The following ZMIZ1 variants were observed in gnomAD, a reference collection of about 807,000 sequenced individuals.
The protein encoded by ZMIZ1 is zinc finger MIZ domain-containing protein 1.
ZMIZ1 carries 17 observed loss-of-function variants against 113.9 expected under a neutral mutation model. That is an observed-to-expected ratio of 0.15 (90% CI 0.10 to 0.22). The LOEUF is 0.22. Ranked by LOEUF, ZMIZ1 falls within the 10% of genes least tolerant of loss-of-function variation. The pLI, the probability that ZMIZ1 is intolerant of heterozygous loss-of-function variation, is 1.00. For missense variants in ZMIZ1, 1,059 were observed against 1,477.8 expected (o/e 0.72, Z 4.65); for synonymous variants, 607 against 603.1 (o/e 1.01, Z -0.09).
chr10:79,295,325 C>T (rs1166396244), intron 12 of ZMIZ1: 1 of 152,216 alleles, frequency 6.6e-6, no homozygotes, highest in Non-Finnish European at 1.5e-5. Flanking sequence ...AAAGGCTCTC[C>T]ATATTTTTAC....
intron 7 of ZMIZ1, among the ~76,000 whole-genome samples, chr10:79,256,937 T>C (rs1850944919): frequency 6.6e-6 from 1 of 152,194 alleles, no homozygotes; most frequent in African/African-American, 2.4e-5. Context: ...CATGGCTTGC[T>C]CCAGGTGACA....
At chr10:79,239,137 G>C (rs1381999087) in intron 7 of ZMIZ1, among the ~76,000 whole-genome samples, 1 of 151,620 alleles carries the variant, frequency 6.6e-6, no homozygotes. Flanking sequence ...ACACATGAGA[G>C]TTTATGCCCT....
At chr10:79,201,865 T>C (rs891728517) in intron 5 of ZMIZ1, among the ~76,000 whole-genome samples, 173 bp downstream of exon 5, 4 of 151,994 alleles carry the variant, frequency 2.6e-5, no homozygotes, top group African/African-American at 9.7e-5. Flanking sequence ...ATCACATGCC[T>C]GGGTTTCAGT....
chr10:79,242,954 C>A (rs867620972), intron 7 of ZMIZ1, among the ~76,000 whole-genome samples: 126 of 144,612 alleles, frequency 8.7e-4, no homozygotes, highest in Non-Finnish European at 1.6e-3. Flanking sequence ...GCTGGGCTGA[C>A]GGTCTGCGCG....
At chr10:79,221,257 C>T (rs112786918) in intron 7 of ZMIZ1, among the ~76,000 whole-genome samples, 1 of 151,970 alleles carries the variant, frequency 6.6e-6, no homozygotes, top group Non-Finnish European at 1.5e-5. Flanking sequence ...TGTGCATGTG[C>T]GTGCATGCAT....
intron 7 of ZMIZ1, among the ~76,000 whole-genome samples, chr10:79,244,443 G>A (rs1212563316): frequency 1.3e-5 from 2 of 152,194 alleles, no homozygotes; most frequent in African/African-American, 4.8e-5. Context: ...TGGTGTCTTC[G>A]AAGCCAAGCC....
rs1026873540 is a variant in ZMIZ1 at position 79,314,552 on chromosome 10, C to T, written c.*1803C>T. On this transcript the variant is annotated 3_prime_UTR_variant, in exon 25 of 25. Transcript: ENST00000334512. ...TATGCAAATCAATTATTTTAAGAAT[C>T]GCTTTTGTAAATATCTTTGTGAATA... 1.9e-5 allele frequency: 5 copies of T among 263,772 alleles called. No individual in the cohort carries two copies. The highest frequency in any genetic ancestry group is 5.2e-5 in the Admixed American group (1 of 19,292). 16.3% of individuals were successfully genotyped at this position (263,772 alleles called of 1,614,324 possible).
At chr10:79,287,844 A>C (rs1263629387) in intron 8 of ZMIZ1, among the ~76,000 whole-genome samples, 1 of 152,246 alleles carries the variant, frequency 6.6e-6, no homozygotes, top group Non-Finnish European at 1.5e-5. Context: ...GGTCCTAAGC[A>C]CAAAAGTCTC....
rs147761487 is a variant in ZMIZ1 at position 79,224,658 on chromosome 10, G to A, written c.280+8384G>A. ...CAGCCCACCCCCTATGCCGCCCCAC[G>A]GCCACCTGATTGGGATAGGGGATCT... On this transcript the variant is annotated intron_variant, in intron 7 of 24. Transcript: ENST00000334512. Among the ~76,000 whole-genome samples, 53 of 152,302 alleles carry A rather than the reference G, an allele frequency of 3.5e-4. 1 individual carries two copies. The East Asian group carries it at 0.01, about 29-fold the overall frequency.
At position 79,290,853 on chromosome 10, in the gene ZMIZ1, C is replaced by T; in HGVS notation, c.541-106C>T. ...CATTTTTTTCCTCCTCCCTGTTGTC[C>T]TGCCTCCACTTTGTTCTTTCTCCCT... On this transcript the variant is annotated intron_variant, in intron 9 of 24. Transcript: ENST00000334512. 4.6e-6 allele frequency: 6 copies of T among 1,311,148 alleles called. No homozygotes were observed. In the South Asian group the frequency reaches 4.9e-5, roughly 11 times the overall value. The allele number at this position is 1,311,148 out of a possible 1,614,324, so 81.2% of individuals were successfully genotyped here.
intron 3 of ZMIZ1, among the ~76,000 whole-genome samples, chr10:79,159,486 G>A (rs971906756): frequency 6.6e-6 from 1 of 152,230 alleles, no homozygotes; most frequent in African/African-American, 2.4e-5. Context: ...GCTGGTTGCC[G>A]CATAGCGGGC....
At chr10:79,182,257 G>A (rs1847153258) in intron 4 of ZMIZ1, among the ~76,000 whole-genome samples, 1 of 152,234 alleles carries the variant, frequency 6.6e-6, no homozygotes, top group African/African-American at 2.4e-5. Flanking sequence ...CAGGGGACTG[G>A]CCTAGGTCAC....
chr10:79,305,999 G>A (rs116239363), intron 21 of ZMIZ1, 101 bp from the exon 22 acceptor site: 2 of 1,519,866 alleles, frequency 1.3e-6, no homozygotes, highest in Non-Finnish European at 1.8e-6. Flanking sequence ...GGGAGCAGGG[G>A]CCTCAACAAG....
intron 1 of ZMIZ1, among the ~76,000 whole-genome samples, chr10:79,080,486 T>G (rs1842621436): frequency 6.6e-6 from 1 of 151,994 alleles, no homozygotes; most frequent in Non-Finnish European, 1.5e-5. Context: ...TTTTTGTATT[T>G]TTAGTAGAGA....
At chr10:79,119,537 C>G (rs1844194732) in intron 2 of ZMIZ1, among the ~76,000 whole-genome samples, 1 of 152,172 alleles carries the variant, frequency 6.6e-6, no homozygotes, top group South Asian at 2.1e-4. Flanking sequence ...CTGGCTGAGC[C>G]TAGGGTTCAA....
At chr10:79,303,801 C>G (rs1854501950) in intron 18 of ZMIZ1, among the ~76,000 whole-genome samples, 1 of 152,274 alleles carries the variant, frequency 6.6e-6, no homozygotes, top group African/African-American at 2.4e-5. Context: ...GGCACACACA[C>G]ACCACACGTG....
intron 4 of ZMIZ1, among the ~76,000 whole-genome samples, chr10:79,190,099 G>C (rs1050154980): frequency 4.6e-5 from 7 of 152,226 alleles, no homozygotes; most frequent in African/African-American, 1.7e-4. Flanking sequence ...GGGCTGCCCA[G>C]GGCCTCTGCA....
At chr10:79,134,147 G>A (rs573764581) in intron 2 of ZMIZ1, among the ~76,000 whole-genome samples, 207 of 152,312 alleles carry the variant, frequency 1.4e-3, no homozygotes, top group African/African-American at 4.9e-3. Flanking sequence ...TGGGGGGTTC[G>A]AGGGCCTGTC....
intron 7 of ZMIZ1, among the ~76,000 whole-genome samples, chr10:79,263,897 G>A (rs1472468788): frequency 6.6e-6 from 1 of 152,142 alleles, no homozygotes; most frequent in Non-Finnish European, 1.5e-5. Flanking sequence ...GGTGGGAGAG[G>A]ACACAGCTAA....
Sources: gnomAD v4.1 joint callset for allele counts (sites outside exome capture counted in the v4.1 genomes callset) on GRCh38, gnomAD v4.1.1 for gene constraint, MANE v1.5 for transcripts, NCBI Gene and HGNC (gene_info 2026-07-23, HGNC 2026-07-21) for gene names.